TMEM132C: variants seen among roughly 807,000 people sequenced by gnomAD.
TMEM132C encodes the protein protein phosphatase 1, regulatory subunit 152.
TMEM132C carries 29 observed loss-of-function variants against 61.4 expected under a neutral mutation model. That is an observed-to-expected ratio of 0.47 (90% CI 0.35 to 0.64). The LOEUF (loss-of-function observed/expected upper bound fraction) is 0.64. TMEM132C is among the 30% of genes least tolerant of loss of function. The pLI, the probability that TMEM132C is intolerant of heterozygous loss-of-function variation, is 0.00. For synonymous variants in TMEM132C, 656 were observed against 633.1 expected, an observed-to-expected ratio of 1.04 and a Z score of -0.54; for missense variants, 1,408 against 1,476.9, an observed-to-expected ratio of 0.95 and a Z score of 0.76.
chr12:128,671,553 T>G (rs1268770636), intron 5 of TMEM132C, among the ~76,000 whole-genome samples: 1 of 152,174 alleles, frequency 6.6e-6, no homozygotes, highest in Non-Finnish European at 1.5e-5. Flanking sequence ...TCTCTGGTGT[T>G]TAAAACTCCA....
chr12:128,697,377 G>A lies in TMEM132C; in HGVS notation c.2083G>A (p.Val695Met). 3 of 1,550,446 alleles carry A rather than the reference G, an allele frequency of 1.9e-6. No homozygotes were observed. The highest frequency in any genetic ancestry group is 1.2e-5 in the South Asian group (1 of 83,926). The part of the protein sequence containing the change: ...NAENSKAVTA[V>M]VTAEEVLRTP... Reference sequence around the variant, plus strand: ...AGAAAACAGCAAGGCCGTAACAGCTGTGGTCACAGCTGAGGAGGTGCTGCG... The same window carrying A: ...AGAAAACAGCAAGGCCGTAACAGCTATGGTCACAGCTGAGGAGGTGCTGCG... The change falls in exon 8 of 9, where the codon GTG (valine) becomes ATG (methionine). Residue 695 changes from valine (V) to methionine (M), a missense_variant. Transcript: ENST00000435159.
intron 1 of TMEM132C, among the ~76,000 whole-genome samples, chr12:128,313,122 T>C (rs1028340662): frequency 1.3e-5 from 2 of 152,228 alleles, no homozygotes; most frequent in Admixed American, 6.5e-5. Flanking sequence ...TCTCATCTGC[T>C]CTGGGTTGGG....
intron 5 of TMEM132C, among the ~76,000 whole-genome samples, chr12:128,675,475 T>A: frequency 6.6e-6 from 1 of 152,196 alleles, no homozygotes; most frequent in East Asian, 1.9e-4. Flanking sequence ...ACATTCAAAT[T>A]TTGCTTAACA....
chr12:128,484,664 AG>A (rs1565949935), intron 2 of TMEM132C, among the ~76,000 whole-genome samples: 2 of 152,188 alleles, frequency 1.3e-5, no homozygotes, highest in Non-Finnish European at 1.5e-5. Context: ...GTTGAACTAA[AG>A]AAAGACTTTT....
chr12:128,636,761 C>T (rs990409896), intron 4 of TMEM132C, among the ~76,000 whole-genome samples: 10 of 152,298 alleles, frequency 6.6e-5, no homozygotes, highest in Admixed American at 2.6e-4. Context: ...AGCGACATCT[C>T]TTCATTCCCC....
At chr12:128,544,644 C>CG (rs367964936) in intron 3 of TMEM132C, among the ~76,000 whole-genome samples, 16,249 of 148,008 alleles carry the variant, frequency 0.11, 1,209 homozygotes, top group African/African-American at 0.22. Flanking sequence ...ACAATTATAG[C>CG]GGGGGGAATC....
chr12:128,384,666 C>T (rs1157220542), intron 1 of TMEM132C, among the ~76,000 whole-genome samples: 1 of 152,106 alleles, frequency 6.6e-6, no homozygotes, highest in Non-Finnish European at 1.5e-5. Context: ...CTGATTTTTA[C>T]ATGTATTTCT....
intron 3 of TMEM132C, among the ~76,000 whole-genome samples, chr12:128,556,200 A>T (rs1208397494): frequency 6.6e-6 from 1 of 152,230 alleles, no homozygotes; most frequent in African/African-American, 2.4e-5. Context: ...TGATGTTTGA[A>T]ATGGTGAAGG....
In TMEM132C at chr12:128,623,640, C is replaced by A. The variant is rs537108088; in HGVS notation, c.1305+7305C>A. On this transcript the variant is annotated intron_variant, in intron 4 of 8. Transcript: ENST00000435159. Reference sequence around the variant, plus strand: ...TGGGCAACATGGTGAAACCCCATCTCTACTAAAAATACAAAAAATCAGCCG... The same window carrying A: ...TGGGCAACATGGTGAAACCCCATCTATACTAAAAATACAAAAAATCAGCCG... Among the ~76,000 whole-genome samples the A allele has an allele frequency of 5.9e-5, 9 of 152,004 alleles. No homozygotes were observed. The East Asian group carries it at 1.7e-3, about 29-fold the overall frequency.
chr12:128,626,585 C>T (rs1451841953), intron 4 of TMEM132C, among the ~76,000 whole-genome samples: 2 of 151,638 alleles, frequency 1.3e-5, no homozygotes, highest in African/African-American at 4.9e-5. Flanking sequence ...GCTGAGATTA[C>T]AGCCATTTGC....
intron 1 of TMEM132C, among the ~76,000 whole-genome samples, chr12:128,324,760 T>G (rs1872449342): frequency 6.6e-6 from 1 of 152,092 alleles, no homozygotes; most frequent in African/African-American, 2.4e-5. Flanking sequence ...CCCAGGAGGT[T>G]GAGGCTGCAG....
intron 3 of TMEM132C, among the ~76,000 whole-genome samples, chr12:128,545,415 C>A (rs143004533): frequency 7.9e-4 from 120 of 152,304 alleles, no homozygotes; most frequent in African/African-American, 2.8e-3. Flanking sequence ...AACAGTGCTG[C>A]AATGAACACA....
intron 2 of TMEM132C, among the ~76,000 whole-genome samples, chr12:128,523,546 G>A (rs1273823770): frequency 6.6e-6 from 1 of 152,134 alleles, no homozygotes; most frequent in East Asian, 1.9e-4. Context: ...GTGTTGCCAA[G>A]GGTCTATCTT....
intron 1 of TMEM132C, among the ~76,000 whole-genome samples, chr12:128,284,138 A>G (rs891098067): frequency 3.9e-5 from 6 of 152,194 alleles, no homozygotes; most frequent in Non-Finnish European, 8.8e-5. Flanking sequence ...ATGTACCACC[A>G]TGTACTGACC....
chr12:128,486,757 A>G (rs80026465), intron 2 of TMEM132C, among the ~76,000 whole-genome samples: 18,838 of 152,096 alleles, frequency 0.12, 1,329 homozygotes, highest in African/African-American at 0.16. Flanking sequence ...GGTGACCATT[A>G]TATCTCATTG....
intron 4 of TMEM132C, among the ~76,000 whole-genome samples, chr12:128,636,249 C>T (rs757604937): frequency 1.3e-5 from 2 of 152,104 alleles, no homozygotes; most frequent in African/African-American, 2.4e-5. Flanking sequence ...GACAGGGTCT[C>T]ACTTTGTTGC....
In TMEM132C at chr12:128,468,222, A is replaced by G. The variant is rs377378936; in HGVS notation, c.974+52602A>G. ...CAAGGATGATGGGAGTTAGAAGCGT[A>G]GCCTGAAGTCCTAGTGAGGGGTGTG... On this transcript the variant is annotated intron_variant, in intron 2 of 8. Transcript: ENST00000435159. 1.3e-3 allele frequency among the ~76,000 whole-genome samples: 202 copies of G among 152,312 alleles called. 1 individual carries two copies. The highest frequency in any genetic ancestry group is 4.6e-3 in the African/African-American group (192 of 41,580).
At chr12:128,457,837 T>C (rs908265775) in intron 2 of TMEM132C, among the ~76,000 whole-genome samples, 1 of 152,104 alleles carries the variant, frequency 6.6e-6, no homozygotes, top group Non-Finnish European at 1.5e-5. Context: ...ATTCAACTGA[T>C]GAGAGAATCC....
At chr12:128,487,098 G>T (rs147111549) in intron 2 of TMEM132C, among the ~76,000 whole-genome samples, 1 of 152,146 alleles carries the variant, frequency 6.6e-6, no homozygotes, top group East Asian at 1.9e-4. Flanking sequence ...CCCAGCCACC[G>T]ACCAAGGGAC....
Sources: gnomAD v4.1 joint callset for allele counts (sites outside exome capture counted in the v4.1 genomes callset) on GRCh38, gnomAD v4.1.1 for gene constraint, MANE v1.5 for transcripts, NCBI Gene and HGNC (gene_info 2026-07-23, HGNC 2026-07-21) for gene names.